The following ISM1 variants were observed in gnomAD, a reference collection of about 807,000 sequenced individuals.
ISM1 encodes the protein isthmin 1, also known as isthmin-1.
In ISM1, 25 loss-of-function variants were observed where a neutral mutation model predicts 46.3. That is an observed-to-expected ratio of 0.54 (90% CI 0.39 to 0.75). The LOEUF is 0.75. ISM1 is among the 30% of genes least tolerant of loss of function. The pLI, the probability that ISM1 is intolerant of heterozygous loss-of-function variation, is 0.00. For missense variants in ISM1, 536 were observed against 625.4 expected (o/e 0.86, Z 1.52); for synonymous variants, 255 against 256.7 (o/e 0.99, Z 0.06).
chr20:13,269,972 GATATGTGA>G (rs2040093306), intron 1 of ISM1, among the ~76,000 whole-genome samples: 1 of 152,142 alleles, frequency 6.6e-6, no homozygotes, highest in Admixed American at 6.6e-5. Flanking sequence ...TGGATAGATG[GATATGTGA>G]ATGGAGTATG....
chr20:13,287,180 A>G (rs1286945717), intron 3 of ISM1, among the ~76,000 whole-genome samples: 1 of 152,212 alleles, frequency 6.6e-6, no homozygotes, highest in Non-Finnish European at 1.5e-5. Context: ...TTTATAAAGG[A>G]AAGAGATTTA....
chr20:13,305,675 C>T, the ISM1 span, among the ~76,000 whole-genome samples: 3 of 152,082 alleles, frequency 2.0e-5, no homozygotes, highest in Non-Finnish European at 4.4e-5. Flanking sequence ...AAGTTTACAG[C>T]CAGTTGTTTT....
At chr20:13,322,962 G>A in the ISM1 span, among the ~76,000 whole-genome samples, 1 of 152,148 alleles carries the variant, frequency 6.6e-6, no homozygotes, top group East Asian at 1.9e-4. Flanking sequence ...GAGTCCCTGG[G>A]ATTACTGTAG....
At chr20:13,301,005 G>C (rs889874775), downstream of ISM1, among the ~76,000 whole-genome samples, 3 of 152,122 alleles carry the variant, frequency 2.0e-5, no homozygotes, top group African/African-American at 7.2e-5. Context: ...TCCTTTTCCC[G>C]ATGAGAAAAT....
chr20:13,315,424 G>C, the ISM1 span, among the ~76,000 whole-genome samples: 15,927 of 151,940 alleles, frequency 0.1, 1,391 homozygotes, highest in African/African-American at 0.23. Context: ...ACCAAGGAAA[G>C]TTATCAGGGA....
At chr20:13,236,224 G>A (rs1033559606) in intron 1 of ISM1, among the ~76,000 whole-genome samples, 3 of 152,024 alleles carry the variant, frequency 2.0e-5, no homozygotes, top group Non-Finnish European at 2.9e-5. Flanking sequence ...TGCCCGTCTC[G>A]GCCATCCTTC....
chr20:13,230,196 T>C lies in ISM1; in HGVS notation c.138+8282T>C, dbSNP rs117300131. Among the ~76,000 whole-genome samples the C allele has an allele frequency of 3.8e-3, 583 of 152,356 alleles. 5 individuals are homozygous for C. The highest frequency in any genetic ancestry group is 0.017 in the Middle Eastern group (5 of 294). On this transcript the variant is annotated intron_variant, in intron 1 of 5. Transcript: ENST00000262487. ...TCTCAATAACATTTTCCATATGTCA[T>C]ACAAGTGTTTTTTAACAACTCTTAA...
At chr20:13,298,337 C>A (rs1422920060) in intron 5 of ISM1, among the ~76,000 whole-genome samples, 1 of 152,012 alleles carries the variant, frequency 6.6e-6, no homozygotes, top group Non-Finnish European at 1.5e-5. Context: ...AAACTCCTGA[C>A]CTCAGTGTTT....
At chr20:13,297,346 A>T (rs926779048) in intron 5 of ISM1, among the ~76,000 whole-genome samples, 2 of 152,164 alleles carry the variant, frequency 1.3e-5, no homozygotes, top group African/African-American at 4.8e-5. Flanking sequence ...AGTGGGAGTT[A>T]CCAGTTCCTT....
chr20:13,316,291 T>C, the ISM1 span, among the ~76,000 whole-genome samples: 1 of 151,940 alleles, frequency 6.6e-6, no homozygotes, highest in East Asian at 1.9e-4. Context: ...GGAAATTGAA[T>C]TGATAATTAA....
intron 1 of ISM1, among the ~76,000 whole-genome samples, chr20:13,236,375 T>C (rs1053980320): frequency 3.3e-5 from 5 of 152,148 alleles, no homozygotes; most frequent in Non-Finnish European, 2.9e-5. Flanking sequence ...ATGATTCAAT[T>C]GCCTCCACCT....
At chr20:13,249,820 G>A (rs1291436955) in intron 1 of ISM1, among the ~76,000 whole-genome samples, 2 of 140,622 alleles carry the variant, frequency 1.4e-5, no homozygotes, top group East Asian at 4.0e-4. Context: ...GTTTTGTTTT[G>A]TTTTGTTTTG....
At chr20:13,315,737 C>A in the ISM1 span, among the ~76,000 whole-genome samples, 1 of 151,882 alleles carries the variant, frequency 6.6e-6, no homozygotes, top group African/African-American at 2.4e-5. Context: ...CCAGGACAGA[C>A]CACATACTGG....
chr20:13,298,406 G>A (rs572112922), intron 5 of ISM1, among the ~76,000 whole-genome samples: 11 of 152,258 alleles, frequency 7.2e-5, no homozygotes, highest in African/African-American at 2.2e-4. Flanking sequence ...ATATGCCACC[G>A]TGCCTGGCCT....
At chr20:13,235,052 T>C (rs999486573) in intron 1 of ISM1, among the ~76,000 whole-genome samples, 3 of 152,194 alleles carry the variant, frequency 2.0e-5, no homozygotes, top group Admixed American at 2.0e-4. Context: ...TATCCAGCTA[T>C]TGCCTAATAA....
intron 1 of ISM1, among the ~76,000 whole-genome samples, chr20:13,244,899 T>A (rs967352098): frequency 2.0e-5 from 3 of 152,202 alleles, no homozygotes. Flanking sequence ...CCCTTCTGAG[T>A]CTTCTGAAAT....
chr20:13,282,163 G>A lies in ISM1; in HGVS notation c.643+2265G>A, dbSNP rs142425594. Among the ~76,000 whole-genome samples the A allele has an allele frequency of 7.7e-3, 1,165 of 151,852 alleles. 6 individuals are homozygous for A. The highest frequency in any genetic ancestry group is 0.011 in the Non-Finnish European group (741 of 67,966). On this transcript the variant is annotated intron_variant, in intron 3 of 5. Coordinates refer to ENST00000262487, the MANE Select transcript of ISM1 (RefSeq NM_080826.2). ...CCTGGGGAATTTTTTTTTCAATCCCGATGCCTAGACTTCTCCCCAGACCAG... is the reference window on the plus strand; with the variant it reads ...CCTGGGGAATTTTTTTTTCAATCCCAATGCCTAGACTTCTCCCCAGACCAG...
At chr20:13,289,053 T>A (rs1431500638) in intron 4 of ISM1, among the ~76,000 whole-genome samples, 1 of 152,228 alleles carries the variant, frequency 6.6e-6, no homozygotes, top group Non-Finnish European at 1.5e-5. Flanking sequence ...CCCAAGGTGC[T>A]GGGATTACAG....
the ISM1 span, among the ~76,000 whole-genome samples, chr20:13,318,062 T>C: frequency 6.6e-6 from 1 of 151,572 alleles, no homozygotes; most frequent in African/African-American, 2.4e-5. Context: ...TATCCAAATA[T>C]ACAGAGAACC....
Sources: allele counts gnomAD v4.1 joint callset (sites outside exome capture counted in the v4.1 genomes callset), GRCh38; gene constraint gnomAD v4.1.1; transcripts MANE v1.5; gene names NCBI Gene and HGNC (gene_info 2026-07-23, HGNC 2026-07-21).